The following DMPK variants were observed in gnomAD, a reference collection of about 807,000 sequenced individuals.
The protein encoded by DMPK is DM1 protein kinase.
Under a neutral mutation model 70.3 loss-of-function variants are expected in DMPK, and 32 were observed. The observed-to-expected ratio is 0.46, with a 90% CI of 0.34 to 0.61. The LOEUF (loss-of-function observed/expected upper bound fraction) is 0.61, where lower values mean the gene tolerates loss of function less well. DMPK is among the 20% of genes least tolerant of loss of function. DMPK has a pLI of 0.01. For synonymous variants in DMPK, 469 were observed against 390.9 expected, an observed-to-expected ratio of 1.20 and a Z score of -2.36; for missense variants, 899 against 886.0, an observed-to-expected ratio of 1.01 and a Z score of -0.19.
chr19:45,777,992 C>T lies in DMPK; in HGVS notation c.676-119G>A, dbSNP rs1020396097. On this transcript the variant is annotated intron_variant, in intron 6 of 14. Transcript: ENST00000291270. This position sits in a 1 kb window ranked among gnomAD's most constrained non-coding sequence, Gnocchi z 6.7. ...CCTCCCTCTGCCTGGTCTAATACTCCGCCACACAGATGCACACTTAAGCCT... is the reference window on the plus strand; with the variant it reads ...CCTCCCTCTGCCTGGTCTAATACTCTGCCACACAGATGCACACTTAAGCCT... 1.8e-5 allele frequency: 22 copies of T among 1,228,142 alleles called. 1 individual carries two copies. The highest frequency in any genetic ancestry group is 9.0e-5 in the African/African-American group (6 of 66,672). The allele number at this position is 1,228,142 out of a possible 1,614,324, so 76.1% of individuals were successfully genotyped here.
At position 45,771,554 on chromosome 19, in the gene DMPK, CAT is replaced by C. The variant is rs746858804; in HGVS notation, c.1600+12_1600+13del. The C allele has an allele frequency of 4.3e-6, 7 of 1,613,782 alleles. No homozygotes were observed. The South Asian group carries it at 7.7e-5, about 18-fold the overall frequency. ...TCCCGGTCCTCCGGGGAAGGGGACACATGAGGGACTCACCTGTGGCTCCCTCT... is the reference window on the plus strand; with the variant it reads ...TCCCGGTCCTCCGGGGAAGGGGACACGAGGGACTCACCTGTGGCTCCCTCT... On this transcript the variant is annotated intron_variant, in intron 12 of 14. Coordinates refer to ENST00000291270, the MANE Select transcript of DMPK (RefSeq NM_004409.5).
Position 45,779,761 on chromosome 19 carries a change from C to A in DMPK, c.252+17G>T. 6.5e-7 allele frequency: 1 copy of A among 1,545,918 alleles called. No homozygotes were observed. The highest frequency in any genetic ancestry group is 8.7e-7 in the Non-Finnish European group (1 of 1,146,222). On this transcript the variant is annotated intron_variant, in intron 2 of 14. Transcript: ENST00000291270. ...CCCACCACGAGTCAAGTCAGGCTCCCGCCCGGTTCGGCTTACCTCGCTGAA... is the reference window on the plus strand; with the variant it reads ...CCCACCACGAGTCAAGTCAGGCTCCAGCCCGGTTCGGCTTACCTCGCTGAA...
Position 45,779,508 on chromosome 19 carries a change from C to A in DMPK, c.267G>T (p.Lys89Asn). 1 of 1,613,960 alleles carries A rather than the reference C, an allele frequency of 6.2e-7. No individual in the cohort carries two copies. The highest frequency in any genetic ancestry group is 8.5e-7 in the Non-Finnish European group (1 of 1,180,028). ...RGAFSEVAVV[K>N]MKQTGQVYAM... ...CATACACCTGGCCCGTCTGCTTCAT[C>A]TTCACTACCGCTACCTGAGGTCGAG... Residue 89 changes from lysine (K) to asparagine (N), a missense_variant, in exon 3 of 15, where the codon AAG (lysine) becomes AAT (asparagine). Lys to Asn is a moderately conservative substitution (Grantham distance 94, BLOSUM62 0). Coordinates refer to ENST00000291270, the MANE Select transcript of DMPK (RefSeq NM_004409.5).
At chr19:45,775,115 C>T in intron 8 of DMPK, 81 bp from the exon 9 acceptor site, 2 of 1,088,430 alleles carry the variant, frequency 1.8e-6, no homozygotes, top group South Asian at 1.3e-5. Context: ...ACATGTTCCC[C>T]CCAAACCAGC....
At position 45,777,601 on chromosome 19, in the gene DMPK, G is replaced by C; in HGVS notation, c.883-11C>G. On this transcript the variant is annotated splice_polypyrimidine_tract_variant and intron_variant, in intron 7 of 14. Coordinates refer to ENST00000291270, the MANE Select transcript of DMPK (RefSeq NM_004409.5). The surrounding 1 kb of genome is among the most constrained non-coding windows in gnomAD (Gnocchi z 6.7). Reference sequence around the variant, plus strand: ...CAGAGAGAGGTGCTCCTGCTCAGAGGGAGAGGAGGCGATAGCCTGGGAGCG... The same window carrying C: ...CAGAGAGAGGTGCTCCTGCTCAGAGCGAGAGGAGGCGATAGCCTGGGAGCG... The C allele has an allele frequency of 6.2e-7, 1 of 1,613,094 alleles. No individual in the cohort carries two copies. Among genetic ancestry groups the C allele is most frequent in the Non-Finnish European group, 8.5e-7 (1 of 1,179,568 alleles).
chr19:45,770,204 C>CCAGCAG lies in DMPK; in HGVS notation c.*278_*283dup. ...AAGAAAGAAATGGTCTGTGATCCCC[C>CCAGCAG]CAGCAGCAGCAGCAGCAGCAGCAGC... On this transcript the variant is annotated 3_prime_UTR_variant, in exon 15 of 15. Transcript: ENST00000291270. 8,695 of 714,860 alleles carry CCAGCAG rather than the reference C, an allele frequency of 0.012. 429 individuals are homozygous for CCAGCAG. Among genetic ancestry groups the CCAGCAG allele is most frequent in the Non-Finnish European group, 0.015 (6,160 of 415,076 alleles). 44.3% of individuals were successfully genotyped at this position (714,860 alleles called of 1,614,324 possible). A position where few individuals can be genotyped will look rare whatever the true frequency, so the allele number is the denominator to read the frequency against.
At chr19:45,772,016 T>C (rs1969490208) in intron 10 of DMPK, 88 bp from the exon 11 acceptor site, 1 of 1,438,360 alleles carries the variant, frequency 7.0e-7, no homozygotes, top group Non-Finnish European at 9.2e-7. Context: ...AATCCTTGTT[T>C]ATCCCCTACT....
chr19:45,770,098 G>A lies in DMPK; in HGVS notation c.*390C>T. On this transcript the variant is annotated 3_prime_UTR_variant, in exon 15 of 15. Transcript: ENST00000291270. ...CCAACGATAGGTGGGGGTGCGTGGA[G>A]GATGGAACACGGACGGCCCGGCTTG... is the stretch of plus-strand genomic sequence containing the variant. The A allele has an allele frequency of 5.3e-6, 3 of 568,774 alleles. No individual in the cohort carries two copies. Among genetic ancestry groups the A allele is most frequent in the East Asian group, 3.5e-5 (1 of 28,744 alleles). 35.2% of individuals were successfully genotyped at this position (568,774 alleles called of 1,614,324 possible).
chr19:45,782,315 A>T lies in DMPK; in HGVS notation c.38T>A (p.Leu13Gln). 1 of 1,586,584 alleles carries T rather than the reference A, an allele frequency of 6.3e-7. No homozygotes were observed. Among genetic ancestry groups the T allele is most frequent in the Non-Finnish European group, 8.6e-7 (1 of 1,167,664 alleles). ...AEVRLRRLQQ[L>Q]VLDPGFLGLE... ...CCCCAGGAAGCCCGGGTCCAACACC[A>T]GCTGCTGGAGCCGCCTCAGCCGCAC... The change falls in exon 1 of 15, where the codon CTG becomes CAG. Residue 13 changes from leucine to glutamine, a missense_variant. Physicochemically the swap from Leu to Gln is moderately radical, Grantham distance 113. Around this residue, in one of 3 missense-constraint regions of DMPK, gnomAD observed 149 missense variants for 142.5 expected, o/e 1.05. Transcript: ENST00000291270.
intron 5 of DMPK, 69 bp from the exon 6 acceptor site, chr19:45,778,289 CT>C: frequency 6.7e-7 from 1 of 1,492,338 alleles, no homozygotes. Flanking sequence ...GGCTCCGCCC[CT>C]CCGGGCAGTG....
At position 45,778,655 on chromosome 19, in the gene DMPK, C is replaced by T. The variant is rs375445989; in HGVS notation, c.433-14G>A. Reference sequence around the variant, plus strand: ...CATGACCAGGTACTGAGAAGGGGTTCGTCATGGGTGGTTGGTAGTCCCCTG... The same window carrying T: ...CATGACCAGGTACTGAGAAGGGGTTTGTCATGGGTGGTTGGTAGTCCCCTG... On this transcript the variant is annotated splice_polypyrimidine_tract_variant and intron_variant, in intron 4 of 14. Coordinates refer to ENST00000291270, the MANE Select transcript of DMPK (RefSeq NM_004409.5). 72 of 1,611,650 alleles carry T rather than the reference C, an allele frequency of 4.5e-5. No individual in the cohort carries two copies. Among genetic ancestry groups the T allele is most frequent in the Non-Finnish European group, 5.6e-5 (66 of 1,178,712 alleles).
At chr19:45,779,566 A>G in intron 2 of DMPK, 44 bp from the exon 3 acceptor site, 2 of 1,610,822 alleles carry the variant, frequency 1.2e-6, no homozygotes, top group Non-Finnish European at 1.7e-6. Context: ...GCGGGAAAAC[A>G]AAAGGGCTCG....
chr19:45,777,682 C>T lies in DMPK; in HGVS notation c.867G>A (p.Lys289=). 6.2e-7 allele frequency: 1 copy of T among 1,614,034 alleles called. No individual in the cohort carries two copies. The highest frequency in any genetic ancestry group is 8.5e-7 in the Non-Finnish European group (1 of 1,180,040). ...CCGTGCTCACCTTGTAGTGGACGAT[C>T]TTGCCATAGGTCTCCGCCGTGGAAT... is the stretch of plus-strand genomic sequence containing the variant. ...YADSTAETYG[K]IVHYKEHLSL... The change falls in exon 7 of 15, where the codon AAG becomes AAA. Residue 289 remains lysine (K), a synonymous_variant. Transcript: ENST00000291270. The surrounding 1 kb of genome is among the most constrained non-coding windows in gnomAD (Gnocchi z 6.7).
chr19:45,769,925 C>G lies in DMPK; in HGVS notation c.*563G>C, dbSNP rs1969224412. On this transcript the variant is annotated 3_prime_UTR_variant, in exon 15 of 15. Coordinates refer to ENST00000291270, the MANE Select transcript of DMPK (RefSeq NM_004409.5). ...AAGCGGGCGGAGCCGGCTGGGGCTC[C>G]GAGAGCAGCGCAAGTGAGGAGGGGG... The G allele has an allele frequency of 1.4e-5, 4 of 289,878 alleles. No individual in the cohort carries two copies. In the South Asian group the frequency reaches 1.5e-4, roughly 11 times the overall value. The allele number at this position is 289,878 out of a possible 1,614,324, so 18.0% of individuals were successfully genotyped here. A position where few individuals can be genotyped will look rare whatever the true frequency, so the allele number is the denominator to read the frequency against.
In DMPK at chr19:45,775,023, C is replaced by T. The variant is rs376774997; in HGVS notation, c.1158G>A (p.Ser386=). The part of the protein sequence containing the change: ...AMVSGGGETL[S]DIREGAPLGV... ...CTAGCGGCGCACCTTCCCGAATGTC[C>T]GACAGTGTCTCCTGCGCAAGACACA... is the stretch of plus-strand genomic sequence containing the variant. Residue 386 remains serine, a synonymous_variant, in exon 9 of 15, where the codon TCG becomes TCA. Coordinates refer to ENST00000291270, the MANE Select transcript of DMPK (RefSeq NM_004409.5). 1.6e-4 allele frequency: 252 copies of T among 1,613,584 alleles called. No individual in the cohort carries two copies. Among genetic ancestry groups the T allele is most frequent in the East Asian group, 2.7e-4 (12 of 44,878 alleles).
At chr19:45,779,648 T>G in intron 2 of DMPK, 126 bp from the exon 3 acceptor site, 1 of 1,554,498 alleles carries the variant, frequency 6.4e-7, no homozygotes, top group Non-Finnish European at 8.7e-7. Flanking sequence ...CGCCCATTGG[T>G]CCCAAGCCCC....
At position 45,775,098 on chromosome 19, in the gene DMPK, T is replaced by C; in HGVS notation, c.1147-64A>G. ...GCGGGCCCCTCACTGCTTTTTGATC[T>C]TGGCTTACATGTTCCCCCCAAACCA... is the stretch of plus-strand genomic sequence containing the variant. On this transcript the variant is annotated intron_variant, in intron 8 of 14. Coordinates refer to ENST00000291270, the MANE Select transcript of DMPK (RefSeq NM_004409.5). The C allele has an allele frequency of 3.0e-6, 4 of 1,315,044 alleles. No individual in the cohort carries two copies. The South Asian group carries it at 3.7e-5, about 12-fold the overall frequency. 81.5% of individuals were successfully genotyped at this position (1,315,044 alleles called of 1,614,324 possible).
At chr19:45,780,348 T>C (rs1361094514) in intron 1 of DMPK, 1 of 1,528,204 alleles carries the variant, frequency 6.5e-7, no homozygotes, top group South Asian at 1.1e-5. Flanking sequence ...CAGGTGGTTC[T>C]TGAACCACAC....
intron 9 of DMPK, among the ~76,000 whole-genome samples, chr19:45,774,272 T>A (rs1405039497): frequency 1.3e-5 from 2 of 148,956 alleles, no homozygotes; most frequent in Non-Finnish European, 3.0e-5. Flanking sequence ...CTTTTTTTTT[T>A]TTTTTTTTGA....
Sources: gnomAD v4.1 joint callset for allele counts (sites outside exome capture counted in the v4.1 genomes callset) on GRCh38, gnomAD v4.1.1 for gene constraint, gnomAD v4.1.1 regional missense constraint, Gnocchi (gnomAD v3.1) non-coding constraint, MANE v1.5 for transcripts, NCBI Gene and HGNC (gene_info 2026-07-23, HGNC 2026-07-21) for gene names.